The following TTC21B variants were observed in gnomAD, a reference collection of about 807,000 sequenced individuals.
TTC21B encodes the protein tetratricopeptide repeat domain 21B.
Under a neutral mutation model 175.1 loss-of-function variants are expected in TTC21B, and 127 were observed. The ratio of observed to expected loss-of-function variants is 0.73; its 90% confidence interval spans 0.63 to 0.84. The LOEUF is 0.84. TTC21B is among the 40% of genes least tolerant of loss of function. TTC21B has a pLI of 0.00. For missense variants in TTC21B, 1,561 were observed against 1,558.3 expected, an observed-to-expected ratio of 1.00 and a Z score of -0.03; for synonymous variants, 524 against 524.5, an observed-to-expected ratio of 1.00 and a Z score of 0.01.
chr2:165,941,092 A>G lies in TTC21B; in HGVS notation c.645T>C (p.Phe215=), dbSNP rs145021138. The G allele has an allele frequency of 8.7e-6, 14 of 1,613,946 alleles. No individual in the cohort carries two copies. The African/African-American group carries it at 1.3e-4, about 15-fold the overall frequency. The change falls in exon 6 of 29, where the codon TTT becomes TTC. Residue 215 remains phenylalanine, a synonymous_variant. Coordinates refer to ENST00000243344, the MANE Select transcript of TTC21B (RefSeq NM_024753.5). The part of the protein sequence containing the change: ...IVNFPSFLPA[F]VKKMKLQLAL... ...CTAGTTGTAATTTCATTTTCTTAAC[A>G]AAAGCAGGAAGGAAGCTCGGAAAAT...
chr2:165,922,431 A>G (rs971873738), intron 12 of TTC21B, among the ~76,000 whole-genome samples: 1 of 152,096 alleles, frequency 6.6e-6, no homozygotes, highest in Non-Finnish European at 1.5e-5. Context: ...CTAGACATTT[A>G]TCTAAAGAAG....
intron 20 of TTC21B, among the ~76,000 whole-genome samples, chr2:165,900,418 A>G (rs968302216): frequency 6.6e-6 from 1 of 152,214 alleles, no homozygotes; most frequent in Non-Finnish European, 1.5e-5. Flanking sequence ...TCTAGAGGAT[A>G]GTTGTCTTTT....
At chr2:165,936,015 G>A (rs1687125484) in intron 6 of TTC21B, among the ~76,000 whole-genome samples, 1 of 152,134 alleles carries the variant, frequency 6.6e-6, no homozygotes, top group South Asian at 2.1e-4. Flanking sequence ...AACATACTAT[G>A]GAAGGAAAAG....
intron 24 of TTC21B, among the ~76,000 whole-genome samples, chr2:165,889,236 T>C (rs1221748503): frequency 6.6e-6 from 1 of 152,212 alleles, no homozygotes; most frequent in African/African-American, 2.4e-5. Context: ...TGCCTAAACA[T>C]GTCACGCTGT....
rs1003293349 is a variant in TTC21B at position 165,907,560 on chromosome 2, T to C, written c.2568+118A>G. The stretch of plus-strand genomic sequence containing the variant: ...TAAGCATTCAATAAGTATTTTGATT[T>C]TGACATATTTTCTGTAGCTGTTTGG... On this transcript the variant is annotated intron_variant, in intron 19 of 28. Transcript: ENST00000243344. The C allele has an allele frequency of 8.6e-6, 6 of 701,398 alleles. No homozygotes were observed. In the African/African-American group the frequency reaches 1.1e-4, roughly 12 times the overall value. The allele number at this position is 701,398 out of a possible 1,614,324, so 43.4% of individuals were successfully genotyped here. A position where few individuals can be genotyped will look rare whatever the true frequency, so the allele number is the denominator to read the frequency against.
intron 26 of TTC21B, 86 bp downstream of exon 26, chr2:165,883,708 G>T: frequency 9.4e-7 from 1 of 1,065,452 alleles, no homozygotes; most frequent in Non-Finnish European, 1.4e-6. Context: ...AGGAATCCTT[G>T]GAAATGGACT....
At chr2:165,885,599 A>G (rs1370913239) in intron 25 of TTC21B, among the ~76,000 whole-genome samples, 1 of 152,170 alleles carries the variant, frequency 6.6e-6, no homozygotes, top group Admixed American at 6.5e-5. Flanking sequence ...GAGGCCTGCT[A>G]TGTATTTGTC....
Position 165,915,556 on chromosome 2 carries a change from G to A in TTC21B, c.1900-117C>T, listed in dbSNP as rs1036802540. 2.7e-5 allele frequency: 25 copies of A among 925,972 alleles called. 1 individual carries two copies. Among genetic ancestry groups the A allele is most frequent in the Middle Eastern group, 3.0e-4 (1 of 3,372 alleles). 57.4% of individuals were successfully genotyped at this position (925,972 alleles called of 1,614,324 possible). A position where few individuals can be genotyped will look rare whatever the true frequency, so the allele number is the denominator to read the frequency against. On this transcript the variant is annotated intron_variant, in intron 14 of 28. Coordinates refer to ENST00000243344, the MANE Select transcript of TTC21B (RefSeq NM_024753.5). ...ATGCTAGTACATTTATAATATTTAC[G>A]AAATAAATTGATAGAATTTTCTGAA...
intron 6 of TTC21B, 109 bp downstream of exon 6, chr2:165,940,918 T>A: frequency 8.1e-7 from 1 of 1,234,666 alleles, no homozygotes; most frequent in Non-Finnish European, 1.2e-6. Flanking sequence ...CCACACTGTT[T>A]GAAAAAAATC....
chr2:165,891,038 TTTG>T, intron 22 of TTC21B, 50 bp from the exon 23 acceptor site: 1 of 1,471,278 alleles, frequency 6.8e-7, no homozygotes, highest in Non-Finnish European at 9.5e-7. Flanking sequence ...TACTGTTTCT[TTTG>T]TTGGTTATAA....
rs766654062 is a variant in TTC21B, at chr2:165,924,629, G to A, written c.1436C>T (p.Ser479Leu). The change falls in exon 12 of 29, where the codon TCA becomes TTA. Residue 479 changes from serine to leucine, a missense_variant. Coordinates refer to ENST00000243344, the MANE Select transcript of TTC21B (RefSeq NM_024753.5). ...PLCPLLRRCI[S>L]VLETVVRTVP... ...AGTTCTTACTACAGTCTCCAGGACT[G>A]AGATGCAACGCCTGAGAAGTGGACA... 1 of 1,613,800 alleles carries A rather than the reference G, an allele frequency of 6.2e-7. No individual in the cohort carries two copies. Among genetic ancestry groups the A allele is most frequent in the Non-Finnish European group, 8.5e-7 (1 of 1,179,824 alleles).
rs199795649 is a variant in TTC21B at position 165,907,697 on chromosome 2, G to A, written c.2549C>T (p.Ala850Val). 3.8e-5 allele frequency: 62 copies of A among 1,610,684 alleles called. No individual in the cohort carries two copies. In the Admixed American group the frequency reaches 4.2e-4, roughly 11 times the overall value. The change falls in exon 19 of 29, where the codon GCG becomes GTG. Residue 850 changes from alanine (A) to valine (V), a missense_variant. By Grantham distance (64) the Ala-to-Val change is moderately conservative. Transcript: ENST00000243344. ...GTTTACCTGTTGTAATGCAGTGATC[G>A]CATCACCAAGTTTTTCCATTTTACT... The part of the protein sequence containing the change: ...VYSKMEKLGD[A>V]ITALQQAREL...
At chr2:165,900,409 C>A (rs1685520589) in intron 20 of TTC21B, among the ~76,000 whole-genome samples, 1 of 152,164 alleles carries the variant, frequency 6.6e-6, no homozygotes, top group Admixed American at 6.5e-5. Context: ...TTATTAAATT[C>A]TAGAGGATAG....
intron 1 of TTC21B, among the ~76,000 whole-genome samples, chr2:165,950,731 C>T (rs1687737449): frequency 6.6e-6 from 1 of 152,192 alleles, no homozygotes; most frequent in Non-Finnish European, 1.5e-5. Flanking sequence ...CTGCCTCAGC[C>T]TCCTGATCTG....
intron 6 of TTC21B, among the ~76,000 whole-genome samples, chr2:165,939,350 T>C (rs1199184885): frequency 1.3e-5 from 2 of 152,180 alleles, no homozygotes; most frequent in African/African-American, 2.4e-5. Context: ...TAAACCTTAA[T>C]CCAAACTGAA....
intron 22 of TTC21B, among the ~76,000 whole-genome samples, chr2:165,893,191 G>A (rs1302645415): frequency 1.3e-5 from 2 of 152,036 alleles, no homozygotes; most frequent in African/African-American, 4.8e-5. Context: ...ATTGACTGTA[G>A]GAGTGCTACA....
rs564578533 is a variant in TTC21B at position 165,948,440 on chromosome 2, T to C, written c.262+954A>G. The C allele has an allele frequency of 2.0e-5, 3 of 152,358 alleles. No individual in the cohort carries two copies. The South Asian group carries it at 6.2e-4, about 32-fold the overall frequency. 9.4% of individuals were successfully genotyped at this position (152,358 alleles called of 1,614,324 possible). ...AGAAATTAAGCACATATTTACATGT[T>C]TTAAATAACTTTGTATTGATTTGCA... On this transcript the variant is annotated intron_variant, in intron 3 of 28. Transcript: ENST00000243344.
In TTC21B at chr2:165,899,827, G is replaced by GCAGGAAT; in HGVS notation, c.2804_2810dup (p.Cys937Ter). ...GAAGCAGTAGAGCACACTGCCGCAGGCAGGAATCAGGGTCATCTTGTGCCA... is the reference window on the plus strand; with the variant it reads ...GAAGCAGTAGAGCACACTGCCGCAGGCAGGAATCAGGAATCAGGGTCATCTTGTGCCA... On this transcript the variant is annotated stop_gained and frameshift_variant, in exon 21 of 29. Coordinates refer to ENST00000243344, the MANE Select transcript of TTC21B (RefSeq NM_024753.5). LOFTEE classifies it high-confidence loss of function. 1.9e-6 allele frequency: 3 copies of GCAGGAAT among 1,614,042 alleles called. No individual in the cohort carries two copies. Among genetic ancestry groups the GCAGGAAT allele is most frequent in the Non-Finnish European group, 2.5e-6 (3 of 1,179,956 alleles).
At chr2:165,891,045 G>A (rs1020412151) in intron 22 of TTC21B, 57 bp from the exon 23 acceptor site, 2 of 1,412,172 alleles carry the variant, frequency 1.4e-6, no homozygotes, top group Non-Finnish European at 2.0e-6. Context: ...TCTTTTGTTG[G>A]TTATAATTCT....
Sources: allele counts gnomAD v4.1 joint callset (sites outside exome capture counted in the v4.1 genomes callset), GRCh38; gene constraint gnomAD v4.1.1; transcripts MANE v1.5; gene names NCBI Gene and HGNC (gene_info 2026-07-23, HGNC 2026-07-21).